ZFHX4: variants seen among roughly 807,000 people sequenced by gnomAD.
The protein encoded by ZFHX4 is zinc finger homeobox protein 4.
ZFHX4 carries 56 observed loss-of-function variants against 267.6 expected under a neutral mutation model. The ratio of observed to expected loss-of-function variants is 0.21; its 90% CI spans 0.17 to 0.26. The LOEUF is 0.26. Ranked by LOEUF, ZFHX4 falls within the 10% of genes least tolerant of loss-of-function variation. The probability of loss-of-function intolerance (pLI) is 1.00; values close to 1 mark genes in which losing one functional copy is unlikely to be tolerated. For synonymous variants in ZFHX4, 1,778 were observed against 1,665.6 expected, an observed-to-expected ratio of 1.07 and a Z score of -1.64; for missense variants, 4,332 against 4,420.0, an observed-to-expected ratio of 0.98 and a Z score of 0.56.
At chr8:76,840,133 T>C (rs1026244049) in intron 5 of ZFHX4, among the ~76,000 whole-genome samples, 2 of 152,190 alleles carry the variant, frequency 1.3e-5, no homozygotes, top group Non-Finnish European at 2.9e-5. Flanking sequence ...ACAAAACAGA[T>C]CTGAATTGCT....
At chr8:76,684,651 C>T (rs1046829229) in intron 1 of ZFHX4, among the ~76,000 whole-genome samples, 1 of 152,088 alleles carries the variant, frequency 6.6e-6, no homozygotes, top group Non-Finnish European at 1.5e-5. Context: ...GCAATAGCAC[C>T]AACTGTGGGG....
intron 3 of ZFHX4, among the ~76,000 whole-genome samples, chr8:76,764,864 C>A (rs1261993997): frequency 1.3e-5 from 2 of 152,144 alleles, no homozygotes; most frequent in Non-Finnish European, 2.9e-5. Context: ...CCCTATTGTT[C>A]CAACTTTCTG....
intron 4 of ZFHX4, among the ~76,000 whole-genome samples, chr8:76,785,816 G>C (rs1485147031): frequency 6.6e-6 from 1 of 152,136 alleles, no homozygotes; most frequent in East Asian, 1.9e-4. Context: ...TACGTAGATA[G>C]TTCGGATGCA....
chr8:76,746,993 C>T (rs1202194515), intron 3 of ZFHX4, among the ~76,000 whole-genome samples: 1 of 152,164 alleles, frequency 6.6e-6, no homozygotes. Flanking sequence ...ACAAAAACTT[C>T]ATTTCTTATA....
chr8:76,735,435 C>A (rs1379822051), intron 3 of ZFHX4, among the ~76,000 whole-genome samples: 3 of 152,054 alleles, frequency 2.0e-5, no homozygotes, highest in Non-Finnish European at 2.9e-5. Context: ...AATTAGAATT[C>A]AACAAAATTA....
At chr8:76,829,941 A>T (rs1811890754) in intron 4 of ZFHX4, among the ~76,000 whole-genome samples, 1 of 152,172 alleles carries the variant, frequency 6.6e-6, no homozygotes, top group Non-Finnish European at 1.5e-5. Context: ...ACAAAAATGA[A>T]CGCTAGAAAT....
At chr8:76,686,631 T>C (rs1228216942) in intron 1 of ZFHX4, among the ~76,000 whole-genome samples, 1 of 148,112 alleles carries the variant, frequency 6.8e-6, no homozygotes, top group Non-Finnish European at 1.5e-5. Flanking sequence ...CTTTCCTACT[T>C]GCTATTTTTG....
intron 1 of ZFHX4, among the ~76,000 whole-genome samples, chr8:76,695,199 G>T (rs1331314670): frequency 6.6e-6 from 1 of 152,146 alleles, no homozygotes; most frequent in Non-Finnish European, 1.5e-5. Context: ...CTATGGAAAA[G>T]AATGAGGTCA....
chr8:76,839,592 C>T (rs1223280736), intron 5 of ZFHX4, among the ~76,000 whole-genome samples: 3 of 152,090 alleles, frequency 2.0e-5, no homozygotes, highest in Admixed American at 6.5e-5. Flanking sequence ...TACATGTATA[C>T]TTCTACTGAA....
intron 6 of ZFHX4, among the ~76,000 whole-genome samples, chr8:76,846,244 C>T (rs2131925665): frequency 6.6e-6 from 1 of 152,158 alleles, no homozygotes; most frequent in Non-Finnish European, 1.5e-5. Flanking sequence ...TGATGACTTG[C>T]CTCATCCTCC....
rs1586025509 is a variant in ZFHX4 at position 76,863,295 on chromosome 8, C to T, written c.9581C>T (p.Thr3194Ile). The stretch of plus-strand genomic sequence containing the variant: ...AACAAAGAATCTGAGAAAAAGCAAA[C>T]TAAGCCAAACAAGGTGAAAAAAATC... ...QQNKESEKKQ[T>I]KPNKVKKIKE... The change falls in exon 11 of 11, where the codon ACT becomes ATT. Residue 3194 changes from threonine (T) to isoleucine (I), a missense_variant. Thr to Ile is a moderately conservative substitution (Grantham distance 89). This residue lies in a region of ZFHX4 where 1,648 missense variants were observed against 1,625.0 expected (regional missense o/e 1.01). Transcript: ENST00000651372. The T allele has an allele frequency of 6.2e-7, 1 of 1,612,806 alleles. No homozygotes were observed.
chr8:76,784,189 C>G (rs1272336177), intron 4 of ZFHX4, among the ~76,000 whole-genome samples: 1 of 151,770 alleles, frequency 6.6e-6, no homozygotes, highest in African/African-American at 2.4e-5. Context: ...TTCATAAAAG[C>G]TCAGTGCTAT....
Position 76,863,639 on chromosome 8 carries a change from G to A in ZFHX4, c.9925G>A (p.Gly3309Ser), listed in dbSNP as rs775658313. ...YGPTMPQTLA[G>S]LSPGALLQQY... ...CCCTACAATGCCCCAGACACTGGCA[G>A]GTCTGTCCCCAGGTGCACTGTTGCA... The change falls in exon 11 of 11, where the codon GGT (glycine) becomes AGT (serine). Residue 3309 changes from glycine (G) to serine (S), a missense_variant. Gly to Ser is a moderately conservative substitution (Grantham distance 56). Coordinates refer to ENST00000651372, the MANE Select transcript of ZFHX4 (RefSeq NM_024721.5). The A allele has an allele frequency of 2.5e-6, 4 of 1,612,506 alleles. No homozygotes were observed. The highest frequency in any genetic ancestry group is 2.5e-6 in the Non-Finnish European group (3 of 1,179,360).
chr8:76,687,379 C>T (rs1283076560), intron 1 of ZFHX4, among the ~76,000 whole-genome samples: 1 of 152,102 alleles, frequency 6.6e-6, no homozygotes, highest in African/African-American at 2.4e-5. Flanking sequence ...GTTTCTCTGC[C>T]CCATTTGTCA....
chr8:76,852,361 AAAC>A lies in ZFHX4; in HGVS notation c.5445_5447del (p.Gln1818del), dbSNP rs771793415. ...CACACAGCCCCAGCTGCAGCCTCAA[AAAC>A]AACAGCAGCAGCCACCACCTCCACA... On this transcript the variant is annotated inframe_deletion, in exon 10 of 11. Coordinates refer to ENST00000651372, the MANE Select transcript of ZFHX4 (RefSeq NM_024721.5). 9 of 1,553,340 alleles carry A rather than the reference AAAC, an allele frequency of 5.8e-6. No homozygotes were observed. Among genetic ancestry groups the A allele is most frequent in the East Asian group, 2.4e-5 (1 of 40,994 alleles).
At chr8:76,799,214 T>C (rs1811058107) in intron 4 of ZFHX4, among the ~76,000 whole-genome samples, 1 of 152,162 alleles carries the variant, frequency 6.6e-6, no homozygotes. Context: ...CACATGCCAG[T>C]CACACCAAGT....
At chr8:76,700,537 G>A (rs1416015818) in intron 1 of ZFHX4, among the ~76,000 whole-genome samples, 1 of 152,156 alleles carries the variant, frequency 6.6e-6, no homozygotes, top group Non-Finnish European at 1.5e-5. Context: ...CATTAGTCAG[G>A]CTCCTTGTAG....
At position 76,851,431 on chromosome 8, in the gene ZFHX4, A is replaced by T. The variant is rs1812518172; in HGVS notation, c.4510A>T (p.Ser1504Cys). 1.2e-6 allele frequency: 2 copies of T among 1,613,766 alleles called. No individual in the cohort carries two copies. Among genetic ancestry groups the T allele is most frequent in the African/African-American group, 2.7e-5 (2 of 74,914 alleles). Residue 1504 changes from serine (S) to cysteine (C), a missense_variant, in exon 10 of 11, where the codon AGT becomes TGT. This residue lies in a region of ZFHX4 where 1,371 missense variants were observed against 1,423.1 expected (regional missense o/e 0.96). Transcript: ENST00000651372. ...CGAAGGGAAAGCAAGTCCTGTAGGAAGTGATAGTAGCTCTATTCCAGATGA... is the reference window on the plus strand; with the variant it reads ...CGAAGGGAAAGCAAGTCCTGTAGGATGTGATAGTAGCTCTATTCCAGATGA... ...DHEGKASPVG[S>C]DSSSIPDDMG...
At position 76,863,944 on chromosome 8, in the gene ZFHX4, G is replaced by T; in HGVS notation, c.10230G>T (p.Met3410Ile). The change falls in exon 11 of 11, where the codon ATG (methionine) becomes ATT (isoleucine). Residue 3410 changes from methionine (M) to isoleucine (I), a missense_variant. Transcript: ENST00000651372. Reference sequence around the variant, plus strand: ...AGTTTATATGCAGAAAGTGCCAGATGATGTTTACTGATGAAGACGCCGCAG... The same window carrying T: ...AGTTTATATGCAGAAAGTGCCAGATTATGTTTACTGATGAAGACGCCGCAG... Reference protein sequence around the residue: ...KYEFICRKCQMMFTDEDAAVN... With the variant: ...KYEFICRKCQIMFTDEDAAVN... The T allele has an allele frequency of 6.2e-7, 1 of 1,605,388 alleles. No homozygotes were observed. The highest frequency in any genetic ancestry group is 8.5e-7 in the Non-Finnish European group (1 of 1,175,506).
Sources: allele counts gnomAD v4.1 joint callset (sites outside exome capture counted in the v4.1 genomes callset), GRCh38; gene constraint gnomAD v4.1.1; regional missense constraint gnomAD v4.1.1; transcripts MANE v1.5; gene names NCBI Gene and HGNC (gene_info 2026-07-23, HGNC 2026-07-21).